Variants in SPIRE1 observed in about 807,000 individuals in gnomAD.
SPIRE1 encodes spire type actin nucleation factor 1.
SPIRE1 carries 40 observed loss-of-function variants against 94.1 expected under a neutral mutation model. The ratio of observed to expected loss-of-function variants is 0.43; its 90% CI spans 0.33 to 0.55. The LOEUF (loss-of-function observed/expected upper bound fraction) is 0.55, where lower values mean the gene tolerates loss of function less well. Among genes scored for constraint, SPIRE1 ranks in the 20% least tolerant of loss-of-function variants. SPIRE1 has a pLI of 0.06. For synonymous variants in SPIRE1, 376 were observed against 371.7 expected (o/e 1.01, Z -0.13); for missense variants, 838 against 975.2 (o/e 0.86, Z 1.87).
intron 1 of SPIRE1, among the ~76,000 whole-genome samples, chr18:12,651,335 G>A (rs2038372952): frequency 6.6e-6 from 1 of 151,946 alleles, no homozygotes; most frequent in African/African-American, 2.4e-5. Context: ...TAATGATCAG[G>A]ATGGGAACAC....
intron 5 of SPIRE1, among the ~76,000 whole-genome samples, chr18:12,509,142 C>G (rs2033941638): frequency 6.6e-6 from 1 of 152,200 alleles, no homozygotes; most frequent in African/African-American, 2.4e-5. Context: ...TAGGGAAATT[C>G]TGAAACTAGA....
At chr18:12,457,753 G>T (rs1234115129) in intron 12 of SPIRE1, among the ~76,000 whole-genome samples, 1 of 151,674 alleles carries the variant, frequency 6.6e-6, no homozygotes, top group African/African-American at 2.4e-5. Context: ...AGAGGGGTCA[G>T]TTAGGCAGCA....
At chr18:12,479,656 C>T (rs1166971283) in intron 10 of SPIRE1, 43 bp downstream of exon 10, 3 of 1,540,532 alleles carry the variant, frequency 1.9e-6, no homozygotes, top group Non-Finnish European at 2.6e-6. Context: ...CAGCATTAAG[C>T]ACCCTCATCT....
intron 1 of SPIRE1, among the ~76,000 whole-genome samples, chr18:12,655,571 G>A (rs2038516629): frequency 6.6e-6 from 1 of 152,088 alleles, no homozygotes; most frequent in Non-Finnish European, 1.5e-5. Flanking sequence ...AACCTATTGC[G>A]AATTGTGGAG....
intron 1 of SPIRE1, among the ~76,000 whole-genome samples, chr18:12,655,250 AAG>A (rs138813086): frequency 1.5e-4 from 23 of 150,750 alleles, no homozygotes; most frequent in East Asian, 3.9e-4. Flanking sequence ...AGAAAAGAAA[AAG>A]AGAGAGAGAG....
chr18:12,474,955 AT>A (rs2032507948), intron 10 of SPIRE1, among the ~76,000 whole-genome samples: 1 of 152,136 alleles, frequency 6.6e-6, no homozygotes, highest in Non-Finnish European at 1.5e-5. Flanking sequence ...ACTGCCCTTT[AT>A]TTGTTCTCTA....
chr18:12,471,849 A>G (rs2032373888), intron 10 of SPIRE1, among the ~76,000 whole-genome samples: 1 of 151,998 alleles, frequency 6.6e-6, no homozygotes, highest in Non-Finnish European at 1.5e-5. Context: ...CAATGACACA[A>G]TCTCGGCTCA....
chr18:12,482,385 C>G (rs932131709), intron 9 of SPIRE1, among the ~76,000 whole-genome samples: 1 of 152,024 alleles, frequency 6.6e-6, no homozygotes, highest in Admixed American at 6.6e-5. Flanking sequence ...CCTTGTGATC[C>G]GCCTGCCTCA....
chr18:12,538,389 C>T (rs1441901444), intron 3 of SPIRE1, among the ~76,000 whole-genome samples: 1 of 152,136 alleles, frequency 6.6e-6, no homozygotes, highest in African/African-American at 2.4e-5. Context: ...AAAGAGAGGA[C>T]TGGTTTATGT....
intron 2 of SPIRE1, among the ~76,000 whole-genome samples, chr18:12,614,661 CAAGAA>C (rs2037233377): frequency 6.6e-6 from 1 of 151,552 alleles, no homozygotes; most frequent in South Asian, 2.1e-4. Flanking sequence ...ACTAAAAATA[CAAGAA>C]AAGTAGCCGG....
intron 2 of SPIRE1, among the ~76,000 whole-genome samples, chr18:12,606,165 T>C (rs538591713): frequency 3.9e-5 from 6 of 152,266 alleles, no homozygotes; most frequent in Non-Finnish European, 7.4e-5. Context: ...CCTTTATTTT[T>C]CTTCATAGCA....
intron 2 of SPIRE1, among the ~76,000 whole-genome samples, chr18:12,591,631 G>A (rs370157443): frequency 6.6e-6 from 1 of 152,156 alleles, no homozygotes; most frequent in African/African-American, 2.4e-5. Context: ...TTGACTGTTA[G>A]GTATTAAGAA....
At chr18:12,515,510 C>T (rs2034170989) in intron 4 of SPIRE1, among the ~76,000 whole-genome samples, 1 of 152,120 alleles carries the variant, frequency 6.6e-6, no homozygotes. Flanking sequence ...GAGAGAAACC[C>T]TGTCTCAAAA....
At chr18:12,476,852 G>C (rs2032624067) in intron 10 of SPIRE1, among the ~76,000 whole-genome samples, 1 of 152,022 alleles carries the variant, frequency 6.6e-6, no homozygotes, top group African/African-American at 2.4e-5. Flanking sequence ...CATTCACTCT[G>C]TTCCATAAAT....
At chr18:12,654,490 CAA>C in intron 1 of SPIRE1, among the ~76,000 whole-genome samples, 1 of 148,690 alleles carries the variant, frequency 6.7e-6, no homozygotes, top group East Asian at 2.0e-4. Context: ...ACTAAAAATA[CAA>C]AAAAATTAGC....
intron 2 of SPIRE1, among the ~76,000 whole-genome samples, chr18:12,623,442 T>C (rs2037533687): frequency 6.6e-6 from 1 of 151,854 alleles, no homozygotes; most frequent in Non-Finnish European, 1.5e-5. Context: ...TGTAAGCCAC[T>C]GCGCCTGGCC....
At chr18:12,527,826 G>T (rs2034566671) in intron 4 of SPIRE1, among the ~76,000 whole-genome samples, 1 of 152,108 alleles carries the variant, frequency 6.6e-6, no homozygotes, top group Non-Finnish European at 1.5e-5. Context: ...CAGCACTTTG[G>T]GAGGCCGAGG....
At chr18:12,608,216 A>C (rs1004884591) in intron 2 of SPIRE1, among the ~76,000 whole-genome samples, 18 of 151,666 alleles carry the variant, frequency 1.2e-4, no homozygotes, top group South Asian at 4.2e-4. Context: ...TATGTACCCC[A>C]AAAATTTTTT....
chr18:12,460,437 G>A (rs112192835), intron 12 of SPIRE1, among the ~76,000 whole-genome samples: 6,586 of 152,260 alleles, frequency 0.043, 424 homozygotes, highest in African/African-American at 0.14. Flanking sequence ...TATCAGCCGG[G>A]CACAGTGGCT....
Sources: gnomAD v4.1 joint callset for allele counts (sites outside exome capture counted in the v4.1 genomes callset) on GRCh38, gnomAD v4.1.1 for gene constraint, MANE v1.5 for transcripts, NCBI Gene and HGNC (gene_info 2026-07-23, HGNC 2026-07-21) for gene names.